DLG2: variants seen among roughly 807,000 people sequenced by gnomAD.
DLG2 encodes disks large homolog 2.
A neutral mutation model predicts 132.5 loss-of-function variants in DLG2; 45 were observed. The observed-to-expected ratio is 0.34, with a 90% confidence interval of 0.27 to 0.44. DLG2 has a LOEUF of 0.44. DLG2 is among the 20% of genes least tolerant of loss of function. DLG2 has a pLI of 1.00. For synonymous variants in DLG2, 424 were observed against 419.6 expected (o/e 1.01, Z -0.13); for missense variants, 1,045 against 1,196.9 (o/e 0.87, Z 1.87).
At chr11:84,059,677 T>C (rs2096560372) in intron 10 of DLG2, among the ~76,000 whole-genome samples, 193 bp from the exon 11 acceptor site, 1 of 152,202 alleles carries the variant, frequency 6.6e-6, no homozygotes. Flanking sequence ...CTTAGCCTTC[T>C]TCCTAACCAC....
chr11:84,979,814 A>C (rs1326934472), intron 6 of DLG2, among the ~76,000 whole-genome samples: 1 of 152,072 alleles, frequency 6.6e-6, no homozygotes, highest in Non-Finnish European at 1.5e-5. Context: ...ATCATTAACA[A>C]AAAAATCCTC....
At chr11:85,594,064 A>G (rs1478906784) in intron 3 of DLG2, among the ~76,000 whole-genome samples, 1 of 152,214 alleles carries the variant, frequency 6.6e-6, no homozygotes, top group Non-Finnish European at 1.5e-5. Context: ...GGTCCACATT[A>G]TGGGGATATA....
chr11:85,590,899 T>C (rs190568104), intron 3 of DLG2, among the ~76,000 whole-genome samples: 2 of 152,290 alleles, frequency 1.3e-5, no homozygotes, highest in East Asian at 1.9e-4. Context: ...ACTATCTCAC[T>C]ATATAGGGAA....
chr11:84,849,508 T>C (rs2081927478), intron 6 of DLG2, among the ~76,000 whole-genome samples: 1 of 152,142 alleles, frequency 6.6e-6, no homozygotes, highest in South Asian at 2.1e-4. Flanking sequence ...ATCTCCTTTT[T>C]TTTTCCTAGA....
At chr11:85,000,763 T>G (rs2058135289) in intron 6 of DLG2, among the ~76,000 whole-genome samples, 1 of 152,152 alleles carries the variant, frequency 6.6e-6, no homozygotes, top group African/African-American at 2.4e-5. Context: ...CTCTCCTCTG[T>G]GGGGAGCAAG....
At chr11:84,192,378 A>G (rs906306377) in intron 8 of DLG2, among the ~76,000 whole-genome samples, 1 of 152,184 alleles carries the variant, frequency 6.6e-6, no homozygotes, top group Non-Finnish European at 1.5e-5. Flanking sequence ...AACTACATGC[A>G]CGTAAAGAAT....
At chr11:84,555,194 G>A (rs930066061) in intron 6 of DLG2, among the ~76,000 whole-genome samples, 1 of 152,156 alleles carries the variant, frequency 6.6e-6, no homozygotes, top group Non-Finnish European at 1.5e-5. Flanking sequence ...AACTCTTAGT[G>A]AGCCTGTAAG....
At chr11:84,993,758 A>G (rs150871164) in intron 6 of DLG2, among the ~76,000 whole-genome samples, 2 of 152,308 alleles carry the variant, frequency 1.3e-5, no homozygotes, top group Admixed American at 1.3e-4. Context: ...GAGCCTCACT[A>G]GCTAATCAGG....
chr11:84,898,163 T>A (rs79927226), intron 6 of DLG2, among the ~76,000 whole-genome samples: 23,813 of 151,976 alleles, frequency 0.16, 2,369 homozygotes, highest in African/African-American at 0.27. Context: ...AGTTTTTACA[T>A]GACTTTGTTA....
intron 6 of DLG2, among the ~76,000 whole-genome samples, chr11:85,028,822 G>A (rs1026104945): frequency 6.6e-6 from 1 of 152,076 alleles, no homozygotes; most frequent in East Asian, 1.9e-4. Flanking sequence ...GCACCCAGGA[G>A]GGGGAGGCCC....
rs140019613 is a variant in DLG2 at position 84,440,785 on chromosome 11, A to G, written c.519+93785T>C. On this transcript the variant is annotated intron_variant, in intron 7 of 27. Coordinates refer to ENST00000376104, the MANE Select transcript of DLG2 (RefSeq NM_001142699.3). ...TTTGGGTTCATGCCTCAACACACAC[A>G]CTATGTGAGCCTCCTCTGAATTCTC... Among the ~76,000 whole-genome samples, 4 of 152,284 alleles carry G rather than the reference A, an allele frequency of 2.6e-5. No homozygotes were observed. The East Asian group carries it at 7.7e-4, about 29-fold the overall frequency.
intron 4 of DLG2, among the ~76,000 whole-genome samples, chr11:85,175,308 G>C (rs879236611): frequency 6.6e-6 from 1 of 152,126 alleles, no homozygotes; most frequent in East Asian, 1.9e-4. Flanking sequence ...TGCAAGGTTG[G>C]TTCAACATAT....
intron 6 of DLG2, among the ~76,000 whole-genome samples, chr11:84,881,727 G>C (rs2087376491): frequency 6.6e-6 from 1 of 152,032 alleles, no homozygotes; most frequent in South Asian, 2.1e-4. Flanking sequence ...CACCATTCAA[G>C]GCAGACTGTG....
chr11:85,597,899 G>T lies in DLG2; in HGVS notation c.40+758C>A, dbSNP rs185616162. Among the ~76,000 whole-genome samples the T allele has an allele frequency of 1.8e-3, 265 of 150,886 alleles. 1 individual carries two copies. Among genetic ancestry groups the T allele is most frequent in the Non-Finnish European group, 3.0e-3 (200 of 67,490 alleles). ...TTTTTCATTGTTTAGTTAGTTGGTT[G>T]TTTTTTTGGGAAAAGTATTTGTTTA... On this transcript the variant is annotated intron_variant, in intron 3 of 27. Coordinates refer to ENST00000376104, the MANE Select transcript of DLG2 (RefSeq NM_001142699.3).
chr11:85,212,287 C>T (rs1481222636), intron 4 of DLG2, among the ~76,000 whole-genome samples: 7 of 151,934 alleles, frequency 4.6e-5, no homozygotes, highest in Admixed American at 1.3e-4. Flanking sequence ...AGTAATAGTC[C>T]TCTGATTTCC....
chr11:84,334,372 T>C (rs549554564), intron 7 of DLG2, among the ~76,000 whole-genome samples: 2 of 152,348 alleles, frequency 1.3e-5, no homozygotes, highest in Admixed American at 6.5e-5. Context: ...TTTTGCTAAT[T>C]CTTTCAAGTT....
At position 84,649,045 on chromosome 11, in the gene DLG2, G is replaced by A. The variant is rs116402576; in HGVS notation, c.358-114314C>T. Among the ~76,000 whole-genome samples the A allele has an allele frequency of 2.5e-3, 382 of 152,070 alleles. 3 individuals carry two copies. Among genetic ancestry groups the A allele is most frequent in the African/African-American group, 8.8e-3 (367 of 41,480 alleles). On this transcript the variant is annotated intron_variant, in intron 6 of 27. Transcript: ENST00000376104. ...TGAATTTTTACAAATGACATATAGG[G>A]TTTTCCTCGATTTCTCCTCCAATGA...
rs144862801 is a variant in DLG2, at chr11:83,906,232, G to GTCTCTCTCTCTCTCTCTCTCTC, written c.1496+24074_1496+24095dup. Among the ~76,000 whole-genome samples, 48 of 71,672 alleles carry GTCTCTCTCTCTCTCTCTCTCTC rather than the reference G, an allele frequency of 6.7e-4. 1 individual carries two copies. Among genetic ancestry groups the GTCTCTCTCTCTCTCTCTCTCTC allele is most frequent in the Non-Finnish European group, 8.8e-4 (28 of 31,802 alleles). 47.0% of individuals were successfully genotyped at this position (71,672 alleles called of 152,430 possible). On this transcript the variant is annotated intron_variant, in intron 15 of 27. Coordinates refer to ENST00000376104, the MANE Select transcript of DLG2 (RefSeq NM_001142699.3). ...TAACTGGAAGATTGCTATAGTAGAT[G>GTCTCTCTCTCTCTCTCTCTCTC]TCTCTCTCTCTCTCTCTCTCTCTCT...
At chr11:84,140,484 T>C (rs1202457303) in intron 9 of DLG2, among the ~76,000 whole-genome samples, 1 of 152,118 alleles carries the variant, frequency 6.6e-6, no homozygotes, top group East Asian at 1.9e-4. Flanking sequence ...ATGAGAAAAA[T>C]GTCTACAACA....
Sources: allele counts gnomAD v4.1 joint callset (sites outside exome capture counted in the v4.1 genomes callset), GRCh38; gene constraint gnomAD v4.1.1; transcripts MANE v1.5; gene names NCBI Gene and HGNC (gene_info 2026-07-23, HGNC 2026-07-21).